The following KLHL29 variants were observed in gnomAD, a reference collection of about 807,000 sequenced individuals.
The protein encoded by KLHL29 is kelch like family member 29.
KLHL29 carries 21 observed loss-of-function variants against 80.4 expected under a neutral mutation model. That is an observed-to-expected ratio of 0.26 (90% CI 0.19 to 0.38). The LOEUF is 0.38. KLHL29 is among the 10% of genes least tolerant of loss of function. The probability of loss-of-function intolerance (pLI) is 1.00; values close to 1 mark genes in which losing one functional copy is unlikely to be tolerated. For synonymous variants in KLHL29, 511 were observed against 526.8 expected (o/e 0.97, Z 0.41); for missense variants, 867 against 1,223.9 (o/e 0.71, Z 4.35).
chr2:23,459,505 G>A (rs2103427182), intron 1 of KLHL29, among the ~76,000 whole-genome samples: 1 of 152,298 alleles, frequency 6.6e-6, no homozygotes, highest in Non-Finnish European at 1.5e-5. Context: ...TAGCCAGGGA[G>A]GCAGGGGTGA....
At chr2:23,546,923 G>A (rs1317486123) in intron 2 of KLHL29, among the ~76,000 whole-genome samples, 1 of 152,208 alleles carries the variant, frequency 6.6e-6, no homozygotes, top group African/African-American at 2.4e-5. Flanking sequence ...TTATGGTTGT[G>A]AGTCCAGAGT....
intron 3 of KLHL29, among the ~76,000 whole-genome samples, chr2:23,606,156 A>ATG (rs1401712947): frequency 1.7e-4 from 22 of 131,438 alleles, no homozygotes; most frequent in East Asian, 4.5e-4. Flanking sequence ...GTGTGTGTGT[A>ATG]TGTGTGTGTG....
intron 3 of KLHL29, among the ~76,000 whole-genome samples, chr2:23,591,518 C>T (rs1049192083): frequency 2.0e-5 from 3 of 150,904 alleles, no homozygotes; most frequent in African/African-American, 7.3e-5. Context: ...CCCATGTTCC[C>T]ATCCGCATGT....
At chr2:23,637,165 G>A (rs1229542863) in intron 3 of KLHL29, among the ~76,000 whole-genome samples, 1 of 152,204 alleles carries the variant, frequency 6.6e-6, no homozygotes, top group African/African-American at 2.4e-5. Context: ...GGCCCAGTGT[G>A]GGACTTGGCA....
chr2:23,478,120 C>A lies in KLHL29; in HGVS notation c.-46+2453C>A, dbSNP rs995514290. Among the ~76,000 whole-genome samples, 6 of 152,130 alleles carry A rather than the reference C, an allele frequency of 3.9e-5. 1 individual carries two copies. Among genetic ancestry groups the A allele is most frequent in the African/African-American group, 1.4e-4 (6 of 41,434 alleles). ...CCTGTTGTGAACTCAAGTCTGTCTT[C>A]CCTAGCACTCGGCCAGTTCCTGGAG... On this transcript the variant is annotated intron_variant, in intron 2 of 13. Coordinates refer to ENST00000486442, the MANE Select transcript of KLHL29 (RefSeq NM_052920.2).
intron 1 of KLHL29, among the ~76,000 whole-genome samples, chr2:23,403,639 A>G (rs1666646582): frequency 6.6e-6 from 1 of 152,134 alleles, no homozygotes; most frequent in Non-Finnish European, 1.5e-5. Flanking sequence ...AGAGTTTGCA[A>G]TTTATTAATA....
Position 23,627,312 on chromosome 2 carries a change from C to A in KLHL29, c.286-11827C>A, listed in dbSNP as rs77219898. On this transcript the variant is annotated intron_variant, in intron 3 of 13. Transcript: ENST00000486442. ...CAAGGTGGGGCCAAAGAACACCACGCCCTCAGGATCCTGCCTGGCCACACG... is the reference window on the plus strand; with the variant it reads ...CAAGGTGGGGCCAAAGAACACCACGACCTCAGGATCCTGCCTGGCCACACG... Among the ~76,000 whole-genome samples the A allele has an allele frequency of 5.2e-3, 795 of 152,338 alleles. 6 individuals carry two copies. Among genetic ancestry groups the A allele is most frequent in the African/African-American group, 0.018 (763 of 41,582 alleles).
In KLHL29 at chr2:23,695,418, C is replaced by T. The variant is rs1044474129; in HGVS notation, c.1543-205C>T. On this transcript the variant is annotated intron_variant, in intron 8 of 13. Coordinates refer to ENST00000486442, the MANE Select transcript of KLHL29 (RefSeq NM_052920.2). This position sits in a 1 kb window ranked among gnomAD's most constrained non-coding sequence, Gnocchi z 7.6. ...GCAGCCTGCCAGCCTCCCCTCCGCA[C>T]CCCTGCGCTCCCGGCCCTCCCCTCC... is the stretch of plus-strand genomic sequence containing the variant. Among the ~76,000 whole-genome samples the T allele has an allele frequency of 5.3e-5, 8 of 152,098 alleles. No homozygotes were observed. Among genetic ancestry groups the T allele is most frequent in the Admixed American group, 3.3e-4 (5 of 15,284 alleles).
At chr2:23,481,339 T>C (rs1205724062) in intron 2 of KLHL29, among the ~76,000 whole-genome samples, 1 of 152,278 alleles carries the variant, frequency 6.6e-6, no homozygotes, top group Non-Finnish European at 1.5e-5. Flanking sequence ...ACACTTGTGA[T>C]TCTCTCTCCT....
At chr2:23,586,777 C>T (rs533721094) in intron 3 of KLHL29, among the ~76,000 whole-genome samples, 3 of 152,146 alleles carry the variant, frequency 2.0e-5, no homozygotes, top group African/African-American at 7.2e-5. Context: ...TGCCCCTCAG[C>T]CTCGAGAGGG....
At chr2:23,518,773 A>G (rs558092567) in intron 2 of KLHL29, among the ~76,000 whole-genome samples, 2 of 152,096 alleles carry the variant, frequency 1.3e-5, no homozygotes, top group Admixed American at 1.3e-4. Context: ...CCTGCCCTCC[A>G]CAGTCACTCC....
intron 3 of KLHL29, among the ~76,000 whole-genome samples, chr2:23,603,992 C>T (rs927445877): frequency 1.3e-5 from 2 of 152,182 alleles, no homozygotes; most frequent in African/African-American, 4.8e-5. Context: ...GAGCTCAGGC[C>T]TGGGTACTGG....
At chr2:23,450,148 A>G (rs1241237593) in intron 1 of KLHL29, among the ~76,000 whole-genome samples, 1 of 152,110 alleles carries the variant, frequency 6.6e-6, no homozygotes, top group East Asian at 1.9e-4. Context: ...ACACAAGTGG[A>G]GGAACATGAA....
At chr2:23,558,776 G>A (rs2103494529) in intron 2 of KLHL29, among the ~76,000 whole-genome samples, 1 of 152,346 alleles carries the variant, frequency 6.6e-6, no homozygotes, top group South Asian at 2.1e-4. Flanking sequence ...TTCTTTCTGT[G>A]TCTGAGATTT....
At chr2:23,514,707 T>C (rs966829220) in intron 2 of KLHL29, among the ~76,000 whole-genome samples, 54 of 152,326 alleles carry the variant, frequency 3.5e-4, no homozygotes, top group African/African-American at 1.3e-3. Flanking sequence ...AGAAGGTCAG[T>C]GTGTCTGGGT....
chr2:23,605,284 G>A (rs1668679523), intron 3 of KLHL29, among the ~76,000 whole-genome samples: 1 of 151,790 alleles, frequency 6.6e-6, no homozygotes, highest in African/African-American at 2.4e-5. Flanking sequence ...TTTTTGAAGA[G>A]ACGAGGTCTC....
intron 3 of KLHL29, among the ~76,000 whole-genome samples, chr2:23,565,251 A>G (rs1376165187): frequency 2.0e-5 from 3 of 151,754 alleles, no homozygotes. Context: ...TTCAGTAGAG[A>G]TGGGGTTTCA....
intron 1 of KLHL29, among the ~76,000 whole-genome samples, chr2:23,420,262 C>T (rs931785177): frequency 6.6e-6 from 1 of 152,204 alleles, no homozygotes; most frequent in Non-Finnish European, 1.5e-5. Flanking sequence ...CACCTTGTGG[C>T]CGTCCCTCGA....
chr2:23,457,742 G>A lies in KLHL29; in HGVS notation c.-153-17818G>A, dbSNP rs942592670. Among the ~76,000 whole-genome samples, 11 of 152,262 alleles carry A rather than the reference G, an allele frequency of 7.2e-5. No individual in the cohort carries two copies. The East Asian group carries it at 2.1e-3, about 29-fold the overall frequency. On this transcript the variant is annotated intron_variant, in intron 1 of 13. Transcript: ENST00000486442. The surrounding 1 kb of genome is among the most constrained non-coding windows in gnomAD (Gnocchi z 4.3). ...CTAAAGAAAACGTAAGGCCGGGCGC[G>A]GTGGCTCACACCTGTAATCCCAGCA... is the stretch of plus-strand genomic sequence containing the variant.
Sources: gnomAD v4.1 joint callset for allele counts (sites outside exome capture counted in the v4.1 genomes callset) on GRCh38, gnomAD v4.1.1 for gene constraint, Gnocchi (gnomAD v3.1) non-coding constraint, MANE v1.5 for transcripts, NCBI Gene and HGNC (gene_info 2026-07-23, HGNC 2026-07-21) for gene names.